Variants in CNTNAP2 observed in about 807,000 individuals in gnomAD.
The protein encoded by CNTNAP2 is contactin associated protein 2, also known as contactin-associated protein-like 2.
Under a neutral mutation model 155.2 loss-of-function variants are expected in CNTNAP2, and 98 were observed. The observed-to-expected ratio is 0.63, with a 90% CI of 0.54 to 0.75. The LOEUF is 0.75. CNTNAP2 is among the 30% of genes least tolerant of loss of function. The pLI is 0.00. For synonymous variants in CNTNAP2, 651 were observed against 631.2 expected (o/e 1.03, Z -0.47); for missense variants, 1,727 against 1,688.1 (o/e 1.02, Z -0.40).
At chr7:146,774,240 G>A in intron 1 of CNTNAP2, 31 bp from the exon 2 acceptor site, 2 of 1,517,344 alleles carry the variant, frequency 1.3e-6, no homozygotes, top group Non-Finnish European at 1.8e-6. Flanking sequence ...GTTGTTGAGT[G>A]TCTCTCTCCC....
chr7:148,151,786 G>T (rs1274207429), intron 17 of CNTNAP2, among the ~76,000 whole-genome samples: 5 of 152,126 alleles, frequency 3.3e-5, no homozygotes, highest in African/African-American at 4.8e-5. Context: ...CTACAGGAAA[G>T]CTCACATGCA....
intron 15 of CNTNAP2, among the ~76,000 whole-genome samples, chr7:148,005,255 G>A (rs1009624664): frequency 1.3e-5 from 2 of 152,106 alleles, no homozygotes; most frequent in African/African-American, 4.8e-5. Context: ...CAGAGAGCTC[G>A]TTAGGGCCCC....
Position 147,859,745 on chromosome 7 carries a change from A to T in CNTNAP2, c.2099-43820A>T, listed in dbSNP as rs574704399. Among the ~76,000 whole-genome samples the T allele has an allele frequency of 5.3e-5, 8 of 152,336 alleles. No individual in the cohort carries two copies. The South Asian group carries it at 1.7e-3, about 32-fold the overall frequency. ...TAGTACAATGGGGCTTCTTCTCAAG[A>T]GCAAAGTAACTTTGAATAAAATTTA... is the stretch of plus-strand genomic sequence containing the variant. On this transcript the variant is annotated intron_variant, in intron 13 of 23. Transcript: ENST00000361727.
At chr7:146,641,269 T>C (rs1180365797) in intron 1 of CNTNAP2, among the ~76,000 whole-genome samples, 3 of 152,078 alleles carry the variant, frequency 2.0e-5, no homozygotes, top group Non-Finnish European at 4.4e-5. Flanking sequence ...GAGCTTGCAG[T>C]GAGCCGAGAT....
At chr7:147,339,899 G>C (rs1795731504) in intron 9 of CNTNAP2, among the ~76,000 whole-genome samples, 1 of 152,112 alleles carries the variant, frequency 6.6e-6, no homozygotes, top group Admixed American at 6.6e-5. Flanking sequence ...AATTTGAACT[G>C]AGTCAGCTTA....
chr7:147,451,877 T>TA (rs1377310855), intron 10 of CNTNAP2, among the ~76,000 whole-genome samples: 8 of 152,132 alleles, frequency 5.3e-5, no homozygotes, highest in African/African-American at 1.9e-4. Flanking sequence ...CTGGGTAGGA[T>TA]ATGTGCTATG....
chr7:146,576,302 A>G (rs1466160977), intron 1 of CNTNAP2, among the ~76,000 whole-genome samples: 1 of 152,232 alleles, frequency 6.6e-6, no homozygotes, highest in Non-Finnish European at 1.5e-5. Flanking sequence ...AGGAAAGCTT[A>G]TTTTAAAAGA....
At position 148,244,774 on chromosome 7, in the gene CNTNAP2, G is replaced by A. The variant is rs558415001; in HGVS notation, c.3381+14995G>A. ...GATGGGGTTTCACCATGTTGCCTAG[G>A]CTGGTCTCAAACTCCTGAGCTCAGG... is the stretch of plus-strand genomic sequence containing the variant. On this transcript the variant is annotated intron_variant, in intron 20 of 23. Transcript: ENST00000361727. Among the ~76,000 whole-genome samples, 6 of 151,916 alleles carry A rather than the reference G, an allele frequency of 3.9e-5. No individual in the cohort carries two copies. In the East Asian group the frequency reaches 1.2e-3, roughly 29 times the overall value.
chr7:146,571,664 T>G lies in CNTNAP2; in HGVS notation c.98-202607T>G, dbSNP rs184028540. On this transcript the variant is annotated intron_variant, in intron 1 of 23. Transcript: ENST00000361727. ...TTGAAATATTTCTAAATGTCCATTC[T>G]ACATCGAGTTCTGCAGGCGATAGTG... Among the ~76,000 whole-genome samples, 19 of 152,314 alleles carry G rather than the reference T, an allele frequency of 1.2e-4. No individual in the cohort carries two copies. The South Asian group carries it at 1.5e-3, about 12-fold the overall frequency.
At chr7:147,885,137 A>G (rs1799583480) in intron 13 of CNTNAP2, among the ~76,000 whole-genome samples, 1 of 152,240 alleles carries the variant, frequency 6.6e-6, no homozygotes. Flanking sequence ...GCACTGACCT[A>G]ATAGGGTTAA....
At chr7:146,235,446 T>C (rs1004524928) in intron 1 of CNTNAP2, among the ~76,000 whole-genome samples, 14 of 152,064 alleles carry the variant, frequency 9.2e-5, no homozygotes, top group Non-Finnish European at 2.9e-5. Context: ...AGTTCTTTAT[T>C]TGGCAGGGAA....
chr7:146,270,220 A>G (rs184070221), intron 1 of CNTNAP2, among the ~76,000 whole-genome samples: 3 of 152,282 alleles, frequency 2.0e-5, no homozygotes, highest in Admixed American at 2.0e-4. Context: ...TATGTATAGA[A>G]TTTTGTATAG....
chr7:146,752,626 G>T (rs1039890458), intron 1 of CNTNAP2, among the ~76,000 whole-genome samples: 3 of 152,112 alleles, frequency 2.0e-5, no homozygotes, highest in Admixed American at 1.3e-4. Flanking sequence ...AGTTTAATTA[G>T]ATCCTATTTA....
At chr7:147,804,954 T>G (rs1442040565) in intron 13 of CNTNAP2, among the ~76,000 whole-genome samples, 1 of 152,204 alleles carries the variant, frequency 6.6e-6, no homozygotes, top group East Asian at 1.9e-4. Flanking sequence ...ATCAGGGCAC[T>G]TGTCTCACCT....
At chr7:147,478,548 G>C (rs1798363643) in intron 10 of CNTNAP2, among the ~76,000 whole-genome samples, 2 of 152,116 alleles carry the variant, frequency 1.3e-5, no homozygotes. Context: ...GGTGGCCCGG[G>C]GCTAGTATGC....
At chr7:147,330,764 CA>C (rs1175848587) in intron 9 of CNTNAP2, among the ~76,000 whole-genome samples, 4 of 152,248 alleles carry the variant, frequency 2.6e-5, no homozygotes, top group Admixed American at 2.6e-4. Flanking sequence ...AACTCCTCAT[CA>C]GGTAAAAACC....
chr7:147,968,393 G>T (rs1485703872), intron 14 of CNTNAP2, among the ~76,000 whole-genome samples: 1 of 152,166 alleles, frequency 6.6e-6, no homozygotes, highest in Non-Finnish European at 1.5e-5. Context: ...TCATTGTCAT[G>T]GTTGTTTTCT....
Position 146,310,561 on chromosome 7 carries a change from G to T in CNTNAP2, c.97+193588G>T, listed in dbSNP as rs112229462. ...TTTTGTCTTCTTTGGCTATTTTGAT[G>T]CCTTTTAATGCATCCCCCTGTTGAT... On this transcript the variant is annotated intron_variant, in intron 1 of 23. Coordinates refer to ENST00000361727, the MANE Select transcript of CNTNAP2 (RefSeq NM_014141.6). Among the ~76,000 whole-genome samples the T allele has an allele frequency of 5.0e-3, 762 of 151,634 alleles. 2 individuals are homozygous for T. The highest frequency in any genetic ancestry group is 8.7e-3 in the Non-Finnish European group (589 of 67,874).
chr7:146,621,279 G>A (rs914166101), intron 1 of CNTNAP2, among the ~76,000 whole-genome samples: 9 of 152,118 alleles, frequency 5.9e-5, no homozygotes, highest in African/African-American at 2.2e-4. Context: ...CCGACAACCA[G>A]TTTCCCCTAT....
Sources: allele counts gnomAD v4.1 joint callset (sites outside exome capture counted in the v4.1 genomes callset), GRCh38; gene constraint gnomAD v4.1.1; transcripts MANE v1.5; gene names NCBI Gene and HGNC (gene_info 2026-07-23, HGNC 2026-07-21).